Variants in PEX5L observed in about 807,000 individuals in gnomAD.
PEX5L encodes the protein PEX5-related protein.
In PEX5L, 30 loss-of-function variants were observed where a neutral mutation model predicts 84.0. The ratio of observed to expected loss-of-function variants is 0.36; its 90% confidence interval spans 0.27 to 0.48. The LOEUF (loss-of-function observed/expected upper bound fraction) is 0.48. Among genes scored for constraint, PEX5L ranks in the 20% least tolerant of loss-of-function variants. The pLI, the probability that PEX5L is intolerant of heterozygous loss-of-function variation, is 0.99. For synonymous variants in PEX5L, 270 were observed against 283.1 expected, an observed-to-expected ratio of 0.95 and a Z score of 0.46; for missense variants, 533 against 754.6, an observed-to-expected ratio of 0.71 and a Z score of 3.44.
At chr3:179,899,733 G>C (rs1341403687) in intron 2 of PEX5L, among the ~76,000 whole-genome samples, 1 of 152,102 alleles carries the variant, frequency 6.6e-6, no homozygotes, top group Non-Finnish European at 1.5e-5. Context: ...AATGCTGAAA[G>C]TTTGTTTCTT....
chr3:179,967,298 G>A (rs1253740578), intron 2 of PEX5L, among the ~76,000 whole-genome samples: 1 of 152,064 alleles, frequency 6.6e-6, no homozygotes, highest in Non-Finnish European at 1.5e-5. Flanking sequence ...TCAGGGAGTT[G>A]GGCAACTTAA....
intron 2 of PEX5L, among the ~76,000 whole-genome samples, chr3:179,961,909 G>A (rs1415066342): frequency 8.3e-6 from 1 of 120,182 alleles, no homozygotes; most frequent in African/African-American, 2.9e-5. Context: ...GGCCAGTTGA[G>A]GGGGAGATGA....
intron 2 of PEX5L, among the ~76,000 whole-genome samples, chr3:179,899,081 T>A (rs1019607028): frequency 3.3e-5 from 5 of 152,092 alleles, no homozygotes; most frequent in Non-Finnish European, 7.4e-5. Flanking sequence ...ATCCCTATGT[T>A]ATTTGTCTCA....
At chr3:180,001,293 T>C (rs1788382424) in intron 1 of PEX5L, among the ~76,000 whole-genome samples, 1 of 149,776 alleles carries the variant, frequency 6.7e-6, no homozygotes, top group African/African-American at 2.4e-5. Context: ...ATCATGTGAG[T>C]TAATACTTAA....
chr3:179,797,362 C>T lies in PEX5L; in HGVS notation c.*4466G>A, dbSNP rs563594733. 2.0e-5 allele frequency: 3 copies of T among 152,046 alleles called. No individual in the cohort carries two copies. Among genetic ancestry groups the T allele is most frequent in the Non-Finnish European group, 2.9e-5 (2 of 68,022 alleles). 9.4% of individuals were successfully genotyped at this position (152,046 alleles called of 1,614,324 possible). On this transcript the variant is annotated 3_prime_UTR_variant, in exon 15 of 15. Transcript: ENST00000467460. ...CTGTAACACAAAGTTCATAAAAATG[C>T]TCCCTTGTATAGAGGCAAGGAACAA... is the stretch of plus-strand genomic sequence containing the variant.
intron 7 of PEX5L, among the ~76,000 whole-genome samples, chr3:179,871,871 A>G (rs1750524719): frequency 6.6e-6 from 1 of 152,052 alleles, no homozygotes; most frequent in South Asian, 2.1e-4. Flanking sequence ...GTTAAGTTTA[A>G]TTTGGCTAAC....
intron 8 of PEX5L, among the ~76,000 whole-genome samples, chr3:179,835,647 T>G (rs1734674132): frequency 6.6e-6 from 1 of 152,220 alleles, no homozygotes; most frequent in Admixed American, 6.5e-5. Context: ...GTCATGACTT[T>G]TGAATAATTA....
chr3:180,025,822 C>T (rs186332093), intron 1 of PEX5L, among the ~76,000 whole-genome samples: 28 of 152,332 alleles, frequency 1.8e-4, no homozygotes, highest in Admixed American at 6.5e-4. Context: ...TCTATAAAAA[C>T]ATAAGAGCTA....
At chr3:179,974,127 G>C in intron 1 of PEX5L, 1 of 985,526 alleles carries the variant, frequency 1.0e-6, no homozygotes, top group Non-Finnish European at 1.2e-6. Context: ...TCCCAGCCGG[G>C]AATCCCTGTC....
intron 5 of PEX5L, among the ~76,000 whole-genome samples, chr3:179,877,377 A>G (rs1752760966): frequency 6.6e-6 from 1 of 152,194 alleles, no homozygotes; most frequent in Non-Finnish European, 1.5e-5. Context: ...TACTTTTACA[A>G]CCTTTTCATA....
intron 1 of PEX5L, among the ~76,000 whole-genome samples, chr3:180,024,842 T>G (rs1302966197): frequency 6.6e-6 from 1 of 152,144 alleles, no homozygotes; most frequent in Non-Finnish European, 1.5e-5. Context: ...CTCAGTTGTC[T>G]CAGGGGTGTG....
At chr3:179,879,391 T>G (rs1753471736) in intron 5 of PEX5L, among the ~76,000 whole-genome samples, 1 of 152,216 alleles carries the variant, frequency 6.6e-6, no homozygotes, top group Non-Finnish European at 1.5e-5. Context: ...ATTTTGAAAC[T>G]TGGTTCCTCA....
chr3:179,971,389 T>C (rs545751635), intron 2 of PEX5L, among the ~76,000 whole-genome samples: 1 of 152,300 alleles, frequency 6.6e-6, no homozygotes, highest in East Asian at 1.9e-4. Flanking sequence ...CATTCTTACA[T>C]ACAAAATATG....
chr3:179,968,814 A>G (rs979581364), intron 2 of PEX5L, among the ~76,000 whole-genome samples: 4 of 152,094 alleles, frequency 2.6e-5, no homozygotes, highest in African/African-American at 4.8e-5. Flanking sequence ...GTTTTTATAC[A>G]TATCCCAAAT....
chr3:179,921,370 G>T (rs1769327617), intron 2 of PEX5L, among the ~76,000 whole-genome samples: 1 of 152,096 alleles, frequency 6.6e-6, no homozygotes, highest in East Asian at 1.9e-4. Context: ...GGTGCTTAAG[G>T]AACTCGCAGA....
chr3:179,957,097 G>T (rs904393451), intron 2 of PEX5L, among the ~76,000 whole-genome samples: 1 of 152,110 alleles, frequency 6.6e-6, no homozygotes, highest in South Asian at 2.1e-4. Context: ...AAAAATGAGC[G>T]TAACATAATG....
At chr3:179,825,245 C>T (rs1001115681) in intron 8 of PEX5L, among the ~76,000 whole-genome samples, 1 of 152,138 alleles carries the variant, frequency 6.6e-6, no homozygotes, top group Admixed American at 6.5e-5. Context: ...TTGCAGATGG[C>T]AGAACCAGGA....
At chr3:179,914,960 T>A (rs1326108957) in intron 2 of PEX5L, among the ~76,000 whole-genome samples, 1 of 151,928 alleles carries the variant, frequency 6.6e-6, no homozygotes, top group Admixed American at 6.6e-5. Flanking sequence ...TAAAAAAAAA[T>A]CCTCTACATT....
At chr3:180,005,557 T>C (rs2110440714) in intron 1 of PEX5L, among the ~76,000 whole-genome samples, 1 of 152,210 alleles carries the variant, frequency 6.6e-6, no homozygotes, top group Non-Finnish European at 1.5e-5. Flanking sequence ...TGAAACCCTG[T>C]CTCTACTAAA....
Sources: allele counts gnomAD v4.1 joint callset (sites outside exome capture counted in the v4.1 genomes callset), GRCh38; gene constraint gnomAD v4.1.1; transcripts MANE v1.5; gene names NCBI Gene and HGNC (gene_info 2026-07-23, HGNC 2026-07-21).